Variants in TUSC3 observed in about 807,000 individuals in gnomAD.
TUSC3 encodes dolichyl-diphosphooligosaccharide--protein glycosyltransferase subunit TUSC3.
TUSC3 carries 45 observed loss-of-function variants against 44.8 expected under a neutral mutation model. The ratio of observed to expected loss-of-function variants is 1.00; its 90% CI spans 0.79 to 1.29. TUSC3 has a LOEUF of 1.29. TUSC3 is among the 50% of genes most tolerant of loss of function. The pLI is 0.00. For missense variants in TUSC3, 519 were observed against 437.9 expected, an observed-to-expected ratio of 1.19 and a Z score of -1.65; for synonymous variants, 212 against 152.9, an observed-to-expected ratio of 1.39 and a Z score of -2.85.
intron 2 of TUSC3, among the ~76,000 whole-genome samples, chr8:15,495,893 T>C (rs941233199): frequency 2.0e-5 from 3 of 152,212 alleles, no homozygotes; most frequent in African/African-American, 7.2e-5. Context: ...TCATTTATTT[T>C]GCCTCCAGGG....
chr8:15,787,952 C>T, the TUSC3 span, among the ~76,000 whole-genome samples: 1 of 152,116 alleles, frequency 6.6e-6, no homozygotes, highest in Non-Finnish European at 1.5e-5. Context: ...AATTATTATT[C>T]CTCAAATATT....
chr8:15,575,565 G>C (rs931044098), intron 1 of TUSC3, among the ~76,000 whole-genome samples: 1 of 152,084 alleles, frequency 6.6e-6, no homozygotes, highest in African/African-American at 2.4e-5. Context: ...TCAGGAGTTT[G>C]AGATCAGCCT....
At chr8:15,522,006 T>G (rs542948715) in intron 2 of TUSC3, among the ~76,000 whole-genome samples, 12 of 152,302 alleles carry the variant, frequency 7.9e-5, no homozygotes, top group African/African-American at 2.9e-4. Context: ...GGGTTAGAAA[T>G]GAGAAGCATG....
chr8:15,464,805 C>G (rs1227842553), intron 1 of TUSC3, among the ~76,000 whole-genome samples: 1 of 152,130 alleles, frequency 6.6e-6, no homozygotes, highest in Admixed American at 6.6e-5. Context: ...GCTCTTCTTT[C>G]CTGTCCAAAA....
At chr8:15,438,606 C>T (rs1799981133) in intron 1 of TUSC3, among the ~76,000 whole-genome samples, 1 of 152,144 alleles carries the variant, frequency 6.6e-6, no homozygotes, top group African/African-American at 2.4e-5. Flanking sequence ...CTTTGCTCAG[C>T]AAAGATGGTT....
intron 2 of TUSC3, among the ~76,000 whole-genome samples, chr8:15,529,788 G>GTTTTTT (rs35344827): frequency 2.8e-5 from 3 of 106,970 alleles, no homozygotes; most frequent in Non-Finnish European, 3.6e-5. Flanking sequence ...CTGTGAAAAA[G>GTTTTTT]TTTTTTTTTT....
chr8:15,720,233 C>CACACACACCCAG (rs1554481302), intron 6 of TUSC3, among the ~76,000 whole-genome samples: 1 of 147,322 alleles, frequency 6.8e-6, no homozygotes, highest in South Asian at 2.2e-4. Context: ...CACACACACA[C>CACACACACCCAG]AGAGAGAACA....
upstream of TUSC3, among the ~76,000 whole-genome samples, chr8:15,537,337 C>T (rs1801538714): frequency 6.6e-6 from 1 of 152,150 alleles, no homozygotes. Flanking sequence ...GTCGTCCTGC[C>T]TTTCTGAACG....
chr8:15,484,435 C>G (rs1800709167), intron 2 of TUSC3, among the ~76,000 whole-genome samples: 1 of 152,170 alleles, frequency 6.6e-6, no homozygotes, highest in Non-Finnish European at 1.5e-5. Flanking sequence ...TAAATAAACG[C>G]TTTTGTTTTC....
intron 6 of TUSC3, among the ~76,000 whole-genome samples, chr8:15,715,388 A>C (rs1424561033): frequency 3.3e-5 from 5 of 151,812 alleles, no homozygotes; most frequent in Non-Finnish European, 7.4e-5. Flanking sequence ...TACTATACCC[A>C]CTCTTCTTCT....
At position 15,766,535 on chromosome 8, in the gene TUSC3, A is replaced by G. The variant is rs1219884975; in HGVS notation, c.*2379A>G. 6.6e-6 allele frequency: 1 copy of G among 152,120 alleles called. No individual in the cohort carries two copies. Among genetic ancestry groups the G allele is most frequent in the East Asian group, 1.9e-4 (1 of 5,192 alleles). 9.4% of individuals were successfully genotyped at this position (152,120 alleles called of 1,614,324 possible). ...CAGTGGAGAGAAAAATCCCAATTAT[A>G]AAATTCCACCTAAAGGAGTTTCATT... On this transcript the variant is annotated 3_prime_UTR_variant, in exon 11 of 11. Transcript: ENST00000503731.
At chr8:15,515,085 T>C (rs1474097060) in intron 2 of TUSC3, among the ~76,000 whole-genome samples, 2 of 152,174 alleles carry the variant, frequency 1.3e-5, no homozygotes, top group African/African-American at 4.8e-5. Flanking sequence ...ATTGGCTATC[T>C]CTAAGCCAAG....
rs546712339 is a variant in TUSC3, at chr8:15,471,335, G to C, written n.92-12051G>C. Among the ~76,000 whole-genome samples the C allele has an allele frequency of 5.9e-5, 9 of 152,212 alleles. No homozygotes were observed. The South Asian group carries it at 6.2e-4, about 11-fold the overall frequency. Reference sequence around the variant, plus strand: ...AATATGCCTTAGAAACTTCACTCTTGTTAATATAAATTATTTTTTGTAAAA... The same window carrying C: ...AATATGCCTTAGAAACTTCACTCTTCTTAATATAAATTATTTTTTGTAAAA... On this transcript the variant is annotated intron_variant and non_coding_transcript_variant, in intron 1 of 5. Coordinates refer to the TUSC3 transcript ENST00000503191.
chr8:15,760,358 T>C (rs989527818), intron 10 of TUSC3, among the ~76,000 whole-genome samples: 8 of 152,196 alleles, frequency 5.3e-5, no homozygotes, highest in African/African-American at 1.9e-4. Flanking sequence ...CATGAGCATA[T>C]TCCTATGCAG....
At chr8:15,444,760 T>C (rs923382243) in intron 1 of TUSC3, among the ~76,000 whole-genome samples, 3 of 108,942 alleles carry the variant, frequency 2.8e-5, no homozygotes, top group African/African-American at 5.0e-5. Context: ...ATTTCTTATA[T>C]GTATAGAAAA....
intron 1 of TUSC3, among the ~76,000 whole-genome samples, chr8:15,443,496 G>A (rs191756352): frequency 1.3e-5 from 2 of 152,152 alleles, no homozygotes; most frequent in East Asian, 3.9e-4. Flanking sequence ...AACCACCTTT[G>A]AAAATTATGA....
At chr8:15,582,089 C>G (rs1023548995) in intron 1 of TUSC3, among the ~76,000 whole-genome samples, 2 of 151,806 alleles carry the variant, frequency 1.3e-5, no homozygotes, top group Admixed American at 6.6e-5. Context: ...CGTCTGTCAC[C>G]CCTTTCTTTG....
intron 6 of TUSC3, among the ~76,000 whole-genome samples, chr8:15,722,814 TA>T (rs958058146): frequency 7.1e-6 from 1 of 140,148 alleles, no homozygotes; most frequent in Non-Finnish European, 1.6e-5. Context: ...CATTTGTTAT[TA>T]AAAAAACTGT....
At chr8:15,620,729 TA>T (rs1246269583) in intron 1 of TUSC3, among the ~76,000 whole-genome samples, 1 of 152,144 alleles carries the variant, frequency 6.6e-6, no homozygotes, top group Non-Finnish European at 1.5e-5. Context: ...ATCAGGCTAT[TA>T]AATGAGTTTC....
Sources: allele counts gnomAD v4.1 joint callset (sites outside exome capture counted in the v4.1 genomes callset), GRCh38; gene constraint gnomAD v4.1.1; transcripts MANE v1.5; gene names NCBI Gene and HGNC (gene_info 2026-07-23, HGNC 2026-07-21).